L3MBTL3: variants seen among roughly 807,000 people sequenced by gnomAD.
L3MBTL3 encodes the protein lethal(3)malignant brain tumor-like protein 3.
L3MBTL3 carries 27 observed loss-of-function variants against 102.3 expected under a neutral mutation model. The ratio of observed to expected loss-of-function variants is 0.26; its 90% CI spans 0.19 to 0.36. The LOEUF (loss-of-function observed/expected upper bound fraction) is 0.36. L3MBTL3 is among the 10% of genes least tolerant of loss of function. L3MBTL3 has a pLI of 1.00. For missense variants in L3MBTL3, 798 were observed against 955.3 expected, an observed-to-expected ratio of 0.84 and a Z score of 2.17; for synonymous variants, 340 against 320.9, an observed-to-expected ratio of 1.06 and a Z score of -0.64.
intron 2 of L3MBTL3, 40 bp from the exon 3 acceptor site, chr6:130,042,645 T>C: frequency 4.3e-6 from 5 of 1,161,314 alleles, no homozygotes; most frequent in Non-Finnish European, 6.5e-6. Flanking sequence ...CAGATTTCCA[T>C]GTGGAATATT....
chr6:130,098,601 A>G (rs998428874), intron 18 of L3MBTL3, among the ~76,000 whole-genome samples: 2 of 152,134 alleles, frequency 1.3e-5, no homozygotes, highest in South Asian at 2.1e-4. Flanking sequence ...ATGACTTCCT[A>G]TGTTCCAGGC....
At chr6:130,129,399 T>G (rs1037905868) in intron 20 of L3MBTL3, among the ~76,000 whole-genome samples, 1 of 152,230 alleles carries the variant, frequency 6.6e-6, no homozygotes, top group African/African-American at 2.4e-5. Flanking sequence ...GTACTGTCAC[T>G]TTTCTCTTAA....
chr6:130,120,705 G>A (rs150712212), intron 19 of L3MBTL3, among the ~76,000 whole-genome samples, 174 bp from the exon 20 acceptor site: 136 of 152,172 alleles, frequency 8.9e-4, no homozygotes, highest in Middle Eastern at 3.4e-3. Context: ...GAGGAAAATG[G>A]GCATTTATAG....
chr6:130,070,460 C>G (rs1197815618), intron 12 of L3MBTL3, among the ~76,000 whole-genome samples: 1 of 152,078 alleles, frequency 6.6e-6, no homozygotes, highest in Non-Finnish European at 1.5e-5. Context: ...TAATTTGCAG[C>G]CTTTCATATA....
intron 2 of L3MBTL3, among the ~76,000 whole-genome samples, chr6:130,040,570 A>G (rs1448386219): frequency 6.6e-6 from 1 of 152,188 alleles, no homozygotes; most frequent in African/African-American, 2.4e-5. Flanking sequence ...TGGCAAGCCC[A>G]TGGTGATGCT....
chr6:130,094,347 G>A lies in L3MBTL3; in HGVS notation c.1716G>A (p.Ala572=), dbSNP rs143084734. The change falls in exon 18 of 23, where the codon GCG becomes GCA. Residue 572 remains alanine (A), a synonymous_variant. Coordinates refer to ENST00000361794, the MANE Select transcript of L3MBTL3 (RefSeq NM_032438.4). The part of the protein sequence containing the change: ...GCKGIGHFKR[A]RHLGPHSAAN... The stretch of plus-strand genomic sequence containing the variant: ...AAGGGATTGGCCATTTCAAGAGAGC[G>A]AGACATCTGGGCCCTCACAGGTATG... The A allele has an allele frequency of 3.3e-5, 53 of 1,613,588 alleles. 1 individual carries two copies. In the African/African-American group the frequency reaches 5.9e-4, roughly 18 times the overall value.
At chr6:130,108,455 C>T (rs1319072816) in intron 19 of L3MBTL3, among the ~76,000 whole-genome samples, 1 of 151,846 alleles carries the variant, frequency 6.6e-6, no homozygotes, top group Non-Finnish European at 1.5e-5. Flanking sequence ...AGGATGGTCT[C>T]AATCTCCTGA....
chr6:130,083,838 G>C, intron 15 of L3MBTL3, 133 bp downstream of exon 15: 1 of 435,300 alleles, frequency 2.3e-6, no homozygotes, highest in Non-Finnish European at 4.1e-6. Flanking sequence ...AGATGTTTTT[G>C]AATTTTTACA....
At chr6:130,131,502 C>G (rs1461203044) in intron 20 of L3MBTL3, among the ~76,000 whole-genome samples, 1 of 152,104 alleles carries the variant, frequency 6.6e-6, no homozygotes, top group Non-Finnish European at 1.5e-5. Flanking sequence ...GAAACACATA[C>G]GTACATTCAA....
Position 130,135,672 on chromosome 6 carries a change from C to G in L3MBTL3, c.2199+1767C>G, listed in dbSNP as rs548679987. Reference sequence around the variant, plus strand: ...AGATGTTCCTCAGTTACCAAATATGCTCAAAGCTAGATCCTTTTCTGGAGG... The same window carrying G: ...AGATGTTCCTCAGTTACCAAATATGGTCAAAGCTAGATCCTTTTCTGGAGG... On this transcript the variant is annotated intron_variant, in intron 22 of 22. Coordinates refer to ENST00000361794, the MANE Select transcript of L3MBTL3 (RefSeq NM_032438.4). Among the ~76,000 whole-genome samples, 10 of 152,210 alleles carry G rather than the reference C, an allele frequency of 6.6e-5. No homozygotes were observed. In the South Asian group the frequency reaches 1.9e-3, roughly 28 times the overall value.
At chr6:130,055,607 T>C in intron 8 of L3MBTL3, among the ~76,000 whole-genome samples, 1 of 112,208 alleles carries the variant, frequency 8.9e-6, no homozygotes, top group Non-Finnish European at 1.8e-5. Flanking sequence ...TCCCTCTCTG[T>C]CTCCGCCTCT....
chr6:130,060,097 A>G lies in L3MBTL3; in HGVS notation c.821A>G (p.Asp274Gly), dbSNP rs1781789733. ...FKVGMKLEGV[D>G]PEHQSVYCVL... ...GTTGGCATGAAATTAGAAGGCGTGG[A>G]TCCTGAGCATCAGTCTGTGTACTGT... The change falls in exon 10 of 23, where the codon GAT becomes GGT. Residue 274 changes from aspartate to glycine, a missense_variant. By Grantham distance (94) the Asp-to-Gly change is moderately conservative. Around this residue, in one of 4 missense-constraint regions of L3MBTL3, gnomAD observed 434 missense variants for 506.6 expected, o/e 0.86. Coordinates refer to ENST00000361794, the MANE Select transcript of L3MBTL3 (RefSeq NM_032438.4). 6.2e-7 allele frequency: 1 copy of G among 1,613,552 alleles called. No individual in the cohort carries two copies. Among genetic ancestry groups the G allele is most frequent in the South Asian group, 1.1e-5 (1 of 91,044 alleles).
At position 130,049,795 on chromosome 6, in the gene L3MBTL3, C is replaced by T. The variant is rs763487757; in HGVS notation, c.254C>T (p.Pro85Leu). ...SPPSSRPVFP[P>L]AYWTSPPGCP... ...CCGAGCTCCAGGCCCGTATTTCCAC[C>T]TGCCTACTGGACATCTCCACCTGGA... Residue 85 changes from proline (P) to leucine (L), a missense_variant, in exon 5 of 23, where the codon CCT becomes CTT. Around this residue, in one of 4 missense-constraint regions of L3MBTL3, gnomAD observed 434 missense variants for 506.6 expected, o/e 0.86. Transcript: ENST00000361794. 1.9e-6 allele frequency: 3 copies of T among 1,614,016 alleles called. No individual in the cohort carries two copies. The South Asian group carries it at 3.3e-5, about 18-fold the overall frequency.
At chr6:130,022,701 C>G (rs1167070988) in intron 2 of L3MBTL3, among the ~76,000 whole-genome samples, 2 of 151,896 alleles carry the variant, frequency 1.3e-5, no homozygotes, top group East Asian at 1.9e-4. Context: ...TCTTGGGGGG[C>G]CAGTGGTAAA....
At chr6:130,035,134 TAAA>T (rs1779973019) in intron 2 of L3MBTL3, among the ~76,000 whole-genome samples, 2 of 152,168 alleles carry the variant, frequency 1.3e-5, no homozygotes, top group Non-Finnish European at 2.9e-5. Context: ...AAACCGGATT[TAAA>T]AACTCATTTT....
At chr6:130,102,356 A>G (rs1784746549) in intron 18 of L3MBTL3, among the ~76,000 whole-genome samples, 1 of 152,150 alleles carries the variant, frequency 6.6e-6, no homozygotes, top group Non-Finnish European at 1.5e-5. Context: ...TCTGCTTTCA[A>G]AATCCTCTCT....
chr6:130,037,107 GA>G (rs1273310553), intron 2 of L3MBTL3, among the ~76,000 whole-genome samples: 2 of 152,098 alleles, frequency 1.3e-5, no homozygotes, highest in Non-Finnish European at 2.9e-5. Context: ...ATCCTTTTCT[GA>G]AAGAAAGAAA....
chr6:130,047,871 C>T (rs1389674352), intron 3 of L3MBTL3, among the ~76,000 whole-genome samples: 1 of 152,014 alleles, frequency 6.6e-6, no homozygotes, highest in East Asian at 1.9e-4. Flanking sequence ...TAGCTCTTTT[C>T]CTTCTAAATA....
At chr6:130,052,111 CT>C (rs374543945) in intron 6 of L3MBTL3, among the ~76,000 whole-genome samples, 3,024 of 144,348 alleles carry the variant, frequency 0.021, 74 homozygotes, top group African/African-American at 0.068. Flanking sequence ...TTTTCTTTTT[CT>C]TTTTTTTTTT....
Sources: allele counts gnomAD v4.1 joint callset (sites outside exome capture counted in the v4.1 genomes callset), GRCh38; gene constraint gnomAD v4.1.1; regional missense constraint gnomAD v4.1.1; transcripts MANE v1.5; gene names NCBI Gene and HGNC (gene_info 2026-07-23, HGNC 2026-07-21).